CYP7B1: variants seen among roughly 807,000 people sequenced by gnomAD.
The protein encoded by CYP7B1 is cytochrome P450 7B1.
A neutral mutation model predicts 42.7 loss-of-function variants in CYP7B1; 29 were observed. The observed-to-expected ratio is 0.68, with a 90% CI of 0.51 to 0.93. The LOEUF is 0.93. Ranked by LOEUF, CYP7B1 falls within the 40% of genes least tolerant of loss-of-function variation. The pLI is 0.00. For synonymous variants in CYP7B1, 235 were observed against 218.2 expected, an observed-to-expected ratio of 1.08 and a Z score of -0.68; for missense variants, 655 against 600.5, an observed-to-expected ratio of 1.09 and a Z score of -0.95.
chr8:64,607,398 T>TAAAAAAAAA (rs5891968), intron 4 of CYP7B1, among the ~76,000 whole-genome samples: 1 of 143,960 alleles, frequency 6.9e-6, no homozygotes, highest in Non-Finnish European at 1.5e-5. Flanking sequence ...GCTCTAGAAT[T>TAAAAAAAAA]AAAAAAAAAA....
chr8:64,698,173 AG>A (rs1454637934), intron 1 of CYP7B1, among the ~76,000 whole-genome samples: 2 of 152,200 alleles, frequency 1.3e-5, no homozygotes, highest in Admixed American at 1.3e-4. Flanking sequence ...GAGAGATCAA[AG>A]AGAGGTTGAG....
intron 1 of CYP7B1, among the ~76,000 whole-genome samples, chr8:64,720,682 A>T (rs1010668507): frequency 9.8e-5 from 15 of 152,306 alleles, no homozygotes; most frequent in African/African-American, 3.6e-4. Context: ...ACCTAAATGT[A>T]TATACCATGT....
chr8:64,718,442 C>T (rs1241513488), intron 1 of CYP7B1, among the ~76,000 whole-genome samples: 1 of 152,180 alleles, frequency 6.6e-6, no homozygotes, highest in Admixed American at 6.5e-5. Context: ...CCTAGGCTTA[C>T]ACCTCTCTCC....
At position 64,698,837 on chromosome 8, in the gene CYP7B1, T is replaced by C. The variant is rs112930417; in HGVS notation, c.123-74298A>G. 1.2e-4 allele frequency among the ~76,000 whole-genome samples: 19 copies of C among 152,308 alleles called. 2 individuals are homozygous for C. The highest frequency in any genetic ancestry group is 4.3e-4 in the African/African-American group (18 of 41,578). Reference sequence around the variant, plus strand: ...CAAAAAAATATATAATGGTGTGTTATAGTTTTAAAGACTCCTATCACATTA... The same window carrying C: ...CAAAAAAATATATAATGGTGTGTTACAGTTTTAAAGACTCCTATCACATTA... On this transcript the variant is annotated intron_variant, in intron 1 of 5. Coordinates refer to ENST00000310193, the MANE Select transcript of CYP7B1 (RefSeq NM_004820.5).
At chr8:64,790,118 AT>A (rs1176228198) in intron 1 of CYP7B1, among the ~76,000 whole-genome samples, 1 of 152,208 alleles carries the variant, frequency 6.6e-6, no homozygotes, top group Non-Finnish European at 1.5e-5. Context: ...ATGTGAACAC[AT>A]TTTGAAAAGT....
At chr8:64,694,674 A>G (rs2129632287) in intron 1 of CYP7B1, among the ~76,000 whole-genome samples, 1 of 152,246 alleles carries the variant, frequency 6.6e-6, no homozygotes, top group East Asian at 1.9e-4. Context: ...AGTGTTTTTT[A>G]TTTCTAGTCA....
intron 1 of CYP7B1, among the ~76,000 whole-genome samples, chr8:64,707,113 G>A (rs560401341): frequency 1.3e-3 from 204 of 151,994 alleles, no homozygotes; most frequent in Non-Finnish European, 2.1e-3. Flanking sequence ...CAACATATGC[G>A]TATGCAAAAC....
At chr8:64,742,459 T>C (rs965424892) in intron 1 of CYP7B1, among the ~76,000 whole-genome samples, 2 of 152,200 alleles carry the variant, frequency 1.3e-5, no homozygotes, top group Non-Finnish European at 2.9e-5. Flanking sequence ...AGACCATGAA[T>C]GCTTTACTGT....
intron 1 of CYP7B1, among the ~76,000 whole-genome samples, chr8:64,777,174 T>TAAAAAA (rs71561235): frequency 8.8e-6 from 1 of 113,116 alleles, no homozygotes; most frequent in Non-Finnish European, 1.9e-5. Flanking sequence ...GGTCATTTTG[T>TAAAAAA]AAAAAAAAAA....
chr8:64,599,461 TA>T (rs1805169511), intron 5 of CYP7B1, among the ~76,000 whole-genome samples: 1 of 152,220 alleles, frequency 6.6e-6, no homozygotes, highest in African/African-American at 2.4e-5. Flanking sequence ...GTGCTGGGGT[TA>T]CAGGTGTGAG....
At chr8:64,727,305 ATTTCTCTTTGCTGACTAGG>A (rs1214914978) in intron 1 of CYP7B1, among the ~76,000 whole-genome samples, 2 of 152,086 alleles carry the variant, frequency 1.3e-5, no homozygotes, top group African/African-American at 2.4e-5. Flanking sequence ...ATAATTCACC[ATTTCTCTTTGCTGACTAGG>A]TTTCCAAATG....
intron 1 of CYP7B1, among the ~76,000 whole-genome samples, chr8:64,652,049 T>C (rs563324313): frequency 7.9e-5 from 12 of 152,298 alleles, no homozygotes; most frequent in Non-Finnish European, 1.5e-4. Context: ...TAATTTTACC[T>C]GAAAATTAAC....
chr8:64,773,442 T>C (rs1235018452), intron 1 of CYP7B1, among the ~76,000 whole-genome samples: 1 of 152,198 alleles, frequency 6.6e-6, no homozygotes. Flanking sequence ...AAGTAAAATA[T>C]TTTTAGGTCA....
In CYP7B1 at chr8:64,764,333, T is replaced by G. The variant is rs187174307; in HGVS notation, c.122+34133A>C. Among the ~76,000 whole-genome samples the G allele has an allele frequency of 2.1e-5, 3 of 145,374 alleles. No individual in the cohort carries two copies. In the Admixed American group the frequency reaches 2.2e-4, roughly 11 times the overall value. ...AACCCAGTACTTTAACAACTGGAAC[T>G]GGGTCTACAACAACATAATAGATCA... is the stretch of plus-strand genomic sequence containing the variant. On this transcript the variant is annotated intron_variant, in intron 1 of 5. Coordinates refer to ENST00000310193, the MANE Select transcript of CYP7B1 (RefSeq NM_004820.5).
chr8:64,668,816 T>G (rs1409610053), intron 1 of CYP7B1, among the ~76,000 whole-genome samples: 1 of 151,996 alleles, frequency 6.6e-6, no homozygotes, highest in African/African-American at 2.4e-5. Flanking sequence ...TGATAATGAT[T>G]GCATTTATAA....
intron 1 of CYP7B1, among the ~76,000 whole-genome samples, chr8:64,676,979 A>AGCT (rs535393994): frequency 6.6e-6 from 1 of 152,138 alleles, no homozygotes; most frequent in Non-Finnish European, 1.5e-5. Context: ...TGGTATTGTC[A>AGCT]GCTGATGAAC....
At chr8:64,747,662 T>C (rs891589427) in intron 1 of CYP7B1, among the ~76,000 whole-genome samples, 14 of 151,698 alleles carry the variant, frequency 9.2e-5, no homozygotes, top group Admixed American at 8.6e-4. Flanking sequence ...ATCCATGTTG[T>C]TCAAGGGCAA....
intron 1 of CYP7B1, among the ~76,000 whole-genome samples, chr8:64,731,600 C>T (rs879294325): frequency 1.3e-5 from 2 of 152,186 alleles, no homozygotes; most frequent in Non-Finnish European, 2.9e-5. Flanking sequence ...TTCAAGCCTG[C>T]TGCAGAAATT....
At chr8:64,743,813 C>T (rs1011385236) in intron 1 of CYP7B1, among the ~76,000 whole-genome samples, 2 of 152,150 alleles carry the variant, frequency 1.3e-5, no homozygotes, top group African/African-American at 4.8e-5. Context: ...GCCCCTAATA[C>T]ATACTAATAT....
Sources: gnomAD v4.1 joint callset for allele counts (sites outside exome capture counted in the v4.1 genomes callset) on GRCh38, gnomAD v4.1.1 for gene constraint, MANE v1.5 for transcripts, NCBI Gene and HGNC (gene_info 2026-07-23, HGNC 2026-07-21) for gene names.